Variants in AGMO observed in about 807,000 individuals in gnomAD.
AGMO encodes alkylglycerol monooxygenase.
A neutral mutation model predicts 60.2 loss-of-function variants in AGMO; 75 were observed. That is an observed-to-expected ratio of 1.25 (90% CI 1.03 to 1.51). The LOEUF (loss-of-function observed/expected upper bound fraction) is 1.51, where lower values mean the gene tolerates loss of function less well. Among genes scored for constraint, AGMO ranks in the 40% most tolerant of loss-of-function variants. AGMO has a pLI of 0.00. For missense variants in AGMO, 763 were observed against 525.5 expected, an observed-to-expected ratio of 1.45 and a Z score of -4.42; for synonymous variants, 261 against 177.1, an observed-to-expected ratio of 1.47 and a Z score of -3.76.
At chr7:15,268,206 C>T (rs750607812) in intron 12 of AGMO, among the ~76,000 whole-genome samples, 12 of 151,966 alleles carry the variant, frequency 7.9e-5, no homozygotes, top group Admixed American at 6.6e-5. Flanking sequence ...TATGAAGTCT[C>T]AGTTGCCTTA....
chr7:15,355,873 TTA>T (rs1377495003), intron 12 of AGMO, among the ~76,000 whole-genome samples: 1 of 152,060 alleles, frequency 6.6e-6, no homozygotes, highest in African/African-American at 2.4e-5. Context: ...AGGACTGATA[TTA>T]TAATCATACA....
At chr7:15,363,613 A>G (rs754862902) in intron 12 of AGMO, among the ~76,000 whole-genome samples, 30 of 152,116 alleles carry the variant, frequency 2.0e-4, no homozygotes, top group Non-Finnish European at 3.4e-4. Flanking sequence ...TTATCTATTA[A>G]CTAAATAAGT....
At chr7:15,322,467 A>AAATAT (rs1781141707) in intron 12 of AGMO, among the ~76,000 whole-genome samples, 2 of 72,102 alleles carry the variant, frequency 2.8e-5, no homozygotes, top group Non-Finnish European at 5.3e-5. Flanking sequence ...AATATATATA[A>AAATAT]ATATATAAAT....
At chr7:15,451,610 C>T (rs141504297) in intron 3 of AGMO, among the ~76,000 whole-genome samples, 1,592 of 152,064 alleles carry the variant, frequency 0.01, 11 homozygotes, top group Non-Finnish European at 0.016. Context: ...TATGACCCCT[C>T]TATTTGTAAA....
rs570476896 is a variant in AGMO, at chr7:15,256,364, A to G, written c.1264-55005T>C. ...TATTTTTATTTTTTATTTTTTTGAG[A>G]CGGAGTCTCGCTCTGTCGCCCAGGC... On this transcript the variant is annotated intron_variant, in intron 12 of 12. Coordinates refer to ENST00000342526, the MANE Select transcript of AGMO (RefSeq NM_001004320.2). Among the ~76,000 whole-genome samples the G allele has an allele frequency of 1.1e-4, 16 of 152,156 alleles. No individual in the cohort carries two copies. The South Asian group carries it at 2.9e-3, about 28-fold the overall frequency.
intron 5 of AGMO, among the ~76,000 whole-genome samples, chr7:15,394,955 A>C (rs568443653): frequency 6.6e-6 from 1 of 152,330 alleles, no homozygotes; most frequent in South Asian, 2.1e-4. Flanking sequence ...CCTAGTTCTG[A>C]GTCTATAAAT....
chr7:15,545,980 A>G (rs1254076679), intron 2 of AGMO, among the ~76,000 whole-genome samples: 1 of 152,102 alleles, frequency 6.6e-6, no homozygotes, highest in Non-Finnish European at 1.5e-5. Context: ...CTAATTTTAG[A>G]TAAAAGTGGA....
intron 5 of AGMO, among the ~76,000 whole-genome samples, chr7:15,416,021 T>G (rs1339063401): frequency 6.8e-6 from 1 of 148,030 alleles, no homozygotes; most frequent in African/African-American, 2.5e-5. Flanking sequence ...TTTCTTTTCT[T>G]TTTTTCTTTT....
intron 8 of AGMO, among the ~76,000 whole-genome samples, chr7:15,388,734 C>A (rs910092192): frequency 6.6e-6 from 1 of 152,036 alleles, no homozygotes; most frequent in Admixed American, 6.6e-5. Flanking sequence ...GATGCCTCTG[C>A]AGAATAGGTG....
At chr7:15,418,879 G>T (rs541894874) in intron 4 of AGMO, among the ~76,000 whole-genome samples, 1 of 151,660 alleles carries the variant, frequency 6.6e-6, no homozygotes, top group Non-Finnish European at 1.5e-5. Flanking sequence ...ATTTAATATT[G>T]TCTAGTTAAA....
intron 12 of AGMO, among the ~76,000 whole-genome samples, chr7:15,259,968 G>A (rs1021683118): frequency 2.1e-4 from 18 of 83,850 alleles, no homozygotes; most frequent in Non-Finnish European, 3.2e-4. Context: ...CAAGGTTCAA[G>A]ATAGAACCTC....
At chr7:15,260,105 T>G (rs1043159777) in intron 12 of AGMO, among the ~76,000 whole-genome samples, 3 of 151,070 alleles carry the variant, frequency 2.0e-5, no homozygotes, top group Middle Eastern at 3.4e-3. Flanking sequence ...AAATTGAATT[T>G]AAATGGCCTA....
intron 3 of AGMO, among the ~76,000 whole-genome samples, chr7:15,453,384 T>C (rs1244544615): frequency 1.3e-5 from 2 of 152,198 alleles, no homozygotes; most frequent in African/African-American, 4.8e-5. Flanking sequence ...TGTGGACCAA[T>C]AGATGACTGC....
Position 15,229,377 on chromosome 7 carries a change from G to A in AGMO, c.1264-28018C>T, listed in dbSNP as rs187595772. Among the ~76,000 whole-genome samples the A allele has an allele frequency of 9.0e-3, 1,367 of 151,474 alleles. 22 individuals are homozygous for A. Among genetic ancestry groups the A allele is most frequent in the African/African-American group, 0.031 (1,296 of 41,302 alleles). ...GATGAAAGGTGGATTCTAAGGGTTC[G>A]AATACAAAAATAAGATAAAATAAAA... On this transcript the variant is annotated intron_variant, in intron 12 of 12. Transcript: ENST00000342526.
intron 3 of AGMO, among the ~76,000 whole-genome samples, chr7:15,451,105 C>G (rs1311340007): frequency 6.6e-6 from 1 of 151,892 alleles, no homozygotes; most frequent in African/African-American, 2.4e-5. Flanking sequence ...AAATTCCATC[C>G]TTTCATCTCT....
At chr7:15,428,774 C>T (rs1423501169) in intron 4 of AGMO, among the ~76,000 whole-genome samples, 2 of 151,922 alleles carry the variant, frequency 1.3e-5, no homozygotes, top group African/African-American at 4.8e-5. Context: ...CATTGATTTC[C>T]CCAGAGCAAC....
intron 5 of AGMO, among the ~76,000 whole-genome samples, chr7:15,417,193 G>T (rs1433060456): frequency 6.6e-6 from 1 of 152,144 alleles, no homozygotes; most frequent in Non-Finnish European, 1.5e-5. Context: ...ATTTTGAAAA[G>T]CATAAAGTGT....
intron 12 of AGMO, among the ~76,000 whole-genome samples, chr7:15,229,716 T>C (rs887949458): frequency 1.2e-4 from 15 of 121,852 alleles, no homozygotes; most frequent in Non-Finnish European, 3.1e-5. Context: ...ATATATATTA[T>C]ATTATATATA....
chr7:15,118,110 A>G, the AGMO span, among the ~76,000 whole-genome samples: 2 of 151,580 alleles, frequency 1.3e-5, no homozygotes, highest in African/African-American at 4.8e-5. Context: ...AATATTATAA[A>G]ACAGTCAAAC....
Sources: allele counts gnomAD v4.1 joint callset (sites outside exome capture counted in the v4.1 genomes callset), GRCh38; gene constraint gnomAD v4.1.1; transcripts MANE v1.5; gene names NCBI Gene and HGNC (gene_info 2026-07-23, HGNC 2026-07-21).